The following RPH3A variants were observed in gnomAD, a reference collection of about 807,000 sequenced individuals.
RPH3A encodes rabphilin-3A.
A neutral mutation model predicts 102.2 loss-of-function variants in RPH3A; 48 were observed. The observed-to-expected ratio is 0.47, with a 90% CI of 0.37 to 0.60. The LOEUF is 0.60. Ranked by LOEUF, RPH3A falls within the 20% of genes least tolerant of loss-of-function variation. The probability of loss-of-function intolerance (pLI) is 0.00; values close to 1 mark genes in which losing one functional copy is unlikely to be tolerated. For synonymous variants in RPH3A, 310 were observed against 324.3 expected (o/e 0.96, Z 0.47); for missense variants, 781 against 910.1 (o/e 0.86, Z 1.83).
At chr12:112,682,210 A>G (rs1183145910) in intron 1 of RPH3A, among the ~76,000 whole-genome samples, 1 of 152,212 alleles carries the variant, frequency 6.6e-6, no homozygotes, top group African/African-American at 2.4e-5. Flanking sequence ...AAGAAGTTCC[A>G]TGATATGCTG....
chr12:112,895,857 G>A lies in RPH3A; in HGVS notation c.1938G>A (p.Lys646=). The A allele has an allele frequency of 2.5e-6, 4 of 1,612,928 alleles. No individual in the cohort carries two copies. The highest frequency in any genetic ancestry group is 1.1e-5 in the South Asian group (1 of 91,054). ...DISVWDYDIG[K]SNDYIGGCQL... ...CAGTCTGGGACTATGACATCGGCAA[G>A]TCCAATGATTACATCGGTGAGTGTT... is the stretch of plus-strand genomic sequence containing the variant. Residue 646 remains lysine, a synonymous_variant, in exon 21 of 22, where the codon AAG becomes AAA. Coordinates refer to ENST00000389385, the MANE Select transcript of RPH3A (RefSeq NM_001143854.2).
intron 1 of RPH3A, among the ~76,000 whole-genome samples, chr12:112,711,181 A>G (rs2040458611): frequency 6.6e-6 from 1 of 152,168 alleles, no homozygotes; most frequent in Non-Finnish European, 1.5e-5. Flanking sequence ...TTAAATACTT[A>G]CAGTTCTTAG....
intron 1 of RPH3A, among the ~76,000 whole-genome samples, chr12:112,605,854 T>G (rs2039592296): frequency 6.6e-6 from 1 of 152,232 alleles, no homozygotes; most frequent in South Asian, 2.1e-4. Flanking sequence ...CCAGTGGGTT[T>G]TATAACATTT....
At chr12:112,825,959 A>G (rs1425347624) in intron 2 of RPH3A, among the ~76,000 whole-genome samples, 1 of 152,006 alleles carries the variant, frequency 6.6e-6, no homozygotes, top group African/African-American at 2.4e-5. Context: ...TTTAACTTCT[A>G]GGGTACATGT....
chr12:112,743,227 G>T (rs1390151923), intron 1 of RPH3A, among the ~76,000 whole-genome samples: 1 of 152,158 alleles, frequency 6.6e-6, no homozygotes, highest in Non-Finnish European at 1.5e-5. Flanking sequence ...AGACCTCTTG[G>T]GGGTGGGTGG....
intron 1 of RPH3A, among the ~76,000 whole-genome samples, chr12:112,772,462 TGCCCCCAAGGGGG>T (rs1325327127): frequency 6.6e-6 from 1 of 152,180 alleles, no homozygotes; most frequent in Non-Finnish European, 1.5e-5. Flanking sequence ...CCTTTCTAAG[TGCCCCCAAGGGGG>T]CTGTATCATC....
intron 1 of RPH3A, among the ~76,000 whole-genome samples, chr12:112,702,355 G>A (rs2214426): frequency 0.24 from 37,159 of 152,158 alleles, 4,906 homozygotes; most frequent in South Asian, 0.37. Context: ...GTTAATTATG[G>A]TCAGAGCCCA....
chr12:112,830,588 G>C (rs540021544), intron 3 of RPH3A, among the ~76,000 whole-genome samples: 1 of 152,052 alleles, frequency 6.6e-6, no homozygotes, highest in East Asian at 1.9e-4. Flanking sequence ...TATTCTGCTT[G>C]TATTATGTTG....
At chr12:112,664,146 C>A (rs900578010) in intron 1 of RPH3A, among the ~76,000 whole-genome samples, 2 of 152,036 alleles carry the variant, frequency 1.3e-5, no homozygotes, top group Non-Finnish European at 2.9e-5. Flanking sequence ...AGAACGTGTG[C>A]AAAACCTTAG....
At chr12:112,706,679 T>C (rs760452281) in intron 1 of RPH3A, among the ~76,000 whole-genome samples, 3 of 152,176 alleles carry the variant, frequency 2.0e-5, no homozygotes, top group Non-Finnish European at 4.4e-5. Context: ...TCAAGATTCT[T>C]GTTTGCAAGT....
intron 1 of RPH3A, among the ~76,000 whole-genome samples, chr12:112,702,795 A>G (rs1379737142): frequency 1.3e-5 from 2 of 152,238 alleles, no homozygotes; most frequent in Non-Finnish European, 2.9e-5. Flanking sequence ...TCTTCTTAGC[A>G]TATTAAAGGA....
At chr12:112,890,381 T>G (rs1002312085) in intron 18 of RPH3A, among the ~76,000 whole-genome samples, 1 of 152,102 alleles carries the variant, frequency 6.6e-6, no homozygotes, top group South Asian at 2.1e-4. Context: ...TTTCTTGGAG[T>G]AGATGCATTC....
chr12:112,597,533 G>A (rs1242352244), intron 1 of RPH3A, among the ~76,000 whole-genome samples: 2 of 152,130 alleles, frequency 1.3e-5, no homozygotes, highest in African/African-American at 4.8e-5. Flanking sequence ...GGAGGTTGTG[G>A]CTAAAGTGAG....
Position 112,673,419 on chromosome 12 carries a change from C to A in RPH3A, c.-140+98100C>A, listed in dbSNP as rs538002339. Among the ~76,000 whole-genome samples, 15 of 152,226 alleles carry A rather than the reference C, an allele frequency of 9.9e-5. No individual in the cohort carries two copies. In the South Asian group the frequency reaches 2.9e-3, roughly 30 times the overall value. On this transcript the variant is annotated intron_variant, in intron 1 of 21. Transcript: ENST00000543106. ...GAACATGGTTCACTGTAACCTCAAA[C>A]TCCTCAGCTCAAGTGATCCTCCTGC... is the stretch of plus-strand genomic sequence containing the variant.
intron 1 of RPH3A, among the ~76,000 whole-genome samples, chr12:112,576,903 T>G (rs1239092599): frequency 1.5e-5 from 2 of 131,544 alleles, no homozygotes; most frequent in Non-Finnish European, 3.1e-5. Context: ...TTTTTTTCTT[T>G]TCTTCCTTTT....
At chr12:112,680,536 G>T (rs965556711) in intron 1 of RPH3A, among the ~76,000 whole-genome samples, 8 of 152,264 alleles carry the variant, frequency 5.3e-5, no homozygotes, top group Admixed American at 5.2e-4. Context: ...CACACAGCTT[G>T]AAAGCAGTAG....
intron 15 of RPH3A, among the ~76,000 whole-genome samples, chr12:112,882,654 G>A (rs1178908778): frequency 2.0e-5 from 3 of 152,134 alleles, no homozygotes; most frequent in Non-Finnish European, 2.9e-5. Context: ...ACCTGGCCAT[G>A]GCCAAATTAT....
chr12:112,884,911 A>G (rs2042979583), intron 16 of RPH3A, among the ~76,000 whole-genome samples: 2 of 152,144 alleles, frequency 1.3e-5, no homozygotes, highest in Admixed American at 6.5e-5. Context: ...ATATCCTAAC[A>G]TCTTACAGGA....
At chr12:112,746,704 C>T (rs539482312) in intron 1 of RPH3A, among the ~76,000 whole-genome samples, 1 of 152,308 alleles carries the variant, frequency 6.6e-6, no homozygotes, top group South Asian at 2.1e-4. Context: ...AGACCTGTCT[C>T]CTTCTCTGCC....
Sources: allele counts gnomAD v4.1 joint callset (sites outside exome capture counted in the v4.1 genomes callset), GRCh38; gene constraint gnomAD v4.1.1; transcripts MANE v1.5; gene names NCBI Gene and HGNC (gene_info 2026-07-23, HGNC 2026-07-21).